Variants in DPP10 observed in about 807,000 individuals in gnomAD.
DPP10 encodes dipeptidyl peptidase like 10.
Under a neutral mutation model 120.9 loss-of-function variants are expected in DPP10, and 33 were observed. The ratio of observed to expected loss-of-function variants is 0.27; its 90% CI spans 0.21 to 0.37. The LOEUF is 0.37. Among genes scored for constraint, DPP10 ranks in the 10% least tolerant of loss-of-function variants. The pLI is 1.00. For missense variants in DPP10, 816 were observed against 942.8 expected (o/e 0.87, Z 1.76); for synonymous variants, 337 against 326.1 (o/e 1.03, Z -0.36).
chr2:114,782,566 G>T (rs1225061607), intron 1 of DPP10, among the ~76,000 whole-genome samples: 1 of 152,016 alleles, frequency 6.6e-6, no homozygotes, highest in African/African-American at 2.4e-5. Flanking sequence ...TTTCTGAGAA[G>T]ACATGAAAGT....
chr2:115,587,089 C>CTTTTTTTTTTTTTTTTTTTTTTTTTTTTT (rs756810925), intron 5 of DPP10, among the ~76,000 whole-genome samples: 75 of 103,912 alleles, frequency 7.2e-4, no homozygotes, highest in African/African-American at 1.2e-3. Flanking sequence ...TTTTCTCTTT[C>CTTTTTTTTTTTTTTTTTTTTTTTTTTTTT]TTTTTTTTTT....
At chr2:115,000,958 T>C (rs867302402) in intron 1 of DPP10, among the ~76,000 whole-genome samples, 1 of 152,172 alleles carries the variant, frequency 6.6e-6, no homozygotes, top group African/African-American at 2.4e-5. Context: ...ATTTCAGAGC[T>C]GAAAACAATA....
At chr2:114,988,406 A>G (rs1303561895) in intron 1 of DPP10, among the ~76,000 whole-genome samples, 1 of 152,212 alleles carries the variant, frequency 6.6e-6, no homozygotes, top group Non-Finnish European at 1.5e-5. Context: ...TGTGAGAAGG[A>G]GGAGATGGCA....
intron 1 of DPP10, among the ~76,000 whole-genome samples, chr2:114,519,363 A>C (rs1411308221): frequency 6.6e-6 from 1 of 152,132 alleles, no homozygotes; most frequent in East Asian, 1.9e-4. Flanking sequence ...GCTTTTATTT[A>C]TTTTATCAGT....
At chr2:114,858,196 C>T (rs2106516269) in intron 1 of DPP10, among the ~76,000 whole-genome samples, 1 of 152,158 alleles carries the variant, frequency 6.6e-6, no homozygotes, top group East Asian at 1.9e-4. Flanking sequence ...CACCGTGTTG[C>T]CCAGGCTGGT....
chr2:115,221,525 C>T (rs2057158223), intron 1 of DPP10, among the ~76,000 whole-genome samples: 1 of 152,098 alleles, frequency 6.6e-6, no homozygotes, highest in Non-Finnish European at 1.5e-5. Flanking sequence ...AGTAACTATA[C>T]ATGGTCCGCA....
chr2:115,534,876 T>C (rs1163892183), intron 5 of DPP10, among the ~76,000 whole-genome samples: 1 of 152,040 alleles, frequency 6.6e-6, no homozygotes, highest in Non-Finnish European at 1.5e-5. Context: ...TGGTGAGCGT[T>C]TTTTCATGTG....
At chr2:115,637,781 A>G (rs1434625395) in intron 5 of DPP10, among the ~76,000 whole-genome samples, 1 of 152,302 alleles carries the variant, frequency 6.6e-6, no homozygotes, top group East Asian at 1.9e-4. Flanking sequence ...CACAGCTCTC[A>G]CTGATGGACA....
intron 1 of DPP10, among the ~76,000 whole-genome samples, chr2:114,521,920 G>T (rs1341651304): frequency 6.9e-6 from 1 of 145,112 alleles, no homozygotes; most frequent in Non-Finnish European, 1.5e-5. Flanking sequence ...CCATTCTCCT[G>T]CCTCAGCCTC....
chr2:115,134,522 T>G (rs1422345990), intron 1 of DPP10, among the ~76,000 whole-genome samples: 1 of 152,218 alleles, frequency 6.6e-6, no homozygotes, highest in African/African-American at 2.4e-5. Context: ...CTGGCTTACA[T>G]GTCTAGTACA....
chr2:115,460,064 T>A (rs1462451729), intron 3 of DPP10, among the ~76,000 whole-genome samples: 1 of 151,862 alleles, frequency 6.6e-6, no homozygotes, highest in Non-Finnish European at 1.5e-5. Flanking sequence ...CAGAACATTG[T>A]AATAAATGTA....
At chr2:115,081,663 T>C (rs1298941150) in intron 1 of DPP10, among the ~76,000 whole-genome samples, 1 of 152,214 alleles carries the variant, frequency 6.6e-6, no homozygotes, top group Non-Finnish European at 1.5e-5. Flanking sequence ...GTCTAGCACC[T>C]TGTTGTCATT....
intron 1 of DPP10, among the ~76,000 whole-genome samples, chr2:114,572,542 A>G (rs1475420234): frequency 6.6e-6 from 1 of 152,246 alleles, no homozygotes; most frequent in African/African-American, 2.4e-5. Context: ...TGATCAGAAG[A>G]GGCAGATCTC....
At chr2:115,799,519 G>T (rs1300493717) in intron 19 of DPP10, among the ~76,000 whole-genome samples, 1 of 151,184 alleles carries the variant, frequency 6.6e-6, no homozygotes, top group African/African-American at 2.4e-5. Context: ...GTGCCATGTT[G>T]GTGTGCTGCA....
At chr2:114,816,417 C>A (rs1685645194) in intron 1 of DPP10, among the ~76,000 whole-genome samples, 1 of 152,150 alleles carries the variant, frequency 6.6e-6, no homozygotes, top group South Asian at 2.1e-4. Flanking sequence ...AGGTGATGGG[C>A]TAGACTTGGT....
intron 1 of DPP10, among the ~76,000 whole-genome samples, chr2:114,928,945 C>T (rs1407243022): frequency 6.6e-6 from 1 of 152,100 alleles, no homozygotes; most frequent in Admixed American, 6.5e-5. Flanking sequence ...GGAACCAGCC[C>T]CCAATATTTC....
chr2:114,806,630 T>C (rs1015819104), intron 1 of DPP10, among the ~76,000 whole-genome samples: 9 of 152,200 alleles, frequency 5.9e-5, no homozygotes, highest in African/African-American at 2.2e-4. Context: ...GTCTTAATAA[T>C]CTGAGCAAGT....
intron 1 of DPP10, among the ~76,000 whole-genome samples, chr2:114,876,876 T>C (rs1012655354): frequency 6.6e-6 from 1 of 152,094 alleles, no homozygotes; most frequent in African/African-American, 2.4e-5. Flanking sequence ...TTGTTCAAAA[T>C]GAAGGAAAAA....
At chr2:115,620,175 T>G (rs1272317180) in intron 5 of DPP10, among the ~76,000 whole-genome samples, 1 of 152,204 alleles carries the variant, frequency 6.6e-6, no homozygotes, top group Non-Finnish European at 1.5e-5. Context: ...CTCAAATCTG[T>G]CATCTAATCA....
Sources: gnomAD v4.1 joint callset for allele counts (sites outside exome capture counted in the v4.1 genomes callset) on GRCh38, gnomAD v4.1.1 for gene constraint, MANE v1.5 for transcripts, NCBI Gene and HGNC (gene_info 2026-07-23, HGNC 2026-07-21) for gene names.